SPINT1: variants seen among roughly 807,000 people sequenced by gnomAD.
The protein encoded by SPINT1 is kunitz-type protease inhibitor 1.
A neutral mutation model predicts 53.7 loss-of-function variants in SPINT1; 38 were observed. The observed-to-expected ratio is 0.71, with a 90% CI of 0.55 to 0.93. SPINT1 has a LOEUF of 0.93. Among genes scored for constraint, SPINT1 ranks in the 40% least tolerant of loss-of-function variants. SPINT1 has a pLI of 0.00. For synonymous variants in SPINT1, 283 were observed against 280.6 expected (o/e 1.01, Z -0.08); for missense variants, 645 against 692.9 (o/e 0.93, Z 0.78).
Position 40,854,688 on chromosome 15 carries a change from A to G in SPINT1, c.1116A>G (p.Lys372=), listed in dbSNP as rs1305342022. Residue 372 remains lysine (K), a splice_region_variant and synonymous_variant, in exon 8 of 11, where the codon AAA becomes AAG. Transcript: ENST00000562057. ...AGCGCATCCATTTCCCCAGTGACAA[A>G]GGTGAGATCCTCCCCAGGTGCCCTG... ...ELQRIHFPSD[K]GHCVDLPDTG... 6.2e-7 allele frequency: 1 copy of G among 1,613,946 alleles called. No homozygotes were observed. Among genetic ancestry groups the G allele is most frequent in the Admixed American group, 1.7e-5 (1 of 60,004 alleles).
intron 2 of SPINT1, among the ~76,000 whole-genome samples, chr15:40,848,669 A>G (rs1329214310): frequency 1.3e-5 from 2 of 152,250 alleles, no homozygotes; most frequent in Non-Finnish European, 1.5e-5. Context: ...ATTGTGGTGC[A>G]TTTATACAAT....
In SPINT1 at chr15:40,857,083, C is replaced by A; in HGVS notation, c.*108C>A. The A allele has an allele frequency of 7.0e-7, 1 of 1,424,932 alleles. No individual in the cohort carries two copies. Among genetic ancestry groups the A allele is most frequent in the Non-Finnish European group, 9.5e-7 (1 of 1,051,696 alleles). The allele number at this position is 1,424,932 out of a possible 1,614,324, so 88.3% of individuals were successfully genotyped here. On this transcript the variant is annotated 3_prime_UTR_variant, in exon 11 of 11. Transcript: ENST00000562057. The stretch of plus-strand genomic sequence containing the variant: ...GACTCTTGCCTGTTTCCCAGGCCCA[C>A]TGTGCCTCAGAGACCAGGGCTCCAG...
At chr15:40,856,428 G>A (rs1266446480) in intron 10 of SPINT1, 105 bp downstream of exon 10, 1 of 1,438,752 alleles carries the variant, frequency 7.0e-7, no homozygotes, top group Admixed American at 1.7e-5. Flanking sequence ...AGGATGCCAA[G>A]GTGGCCTATA....
chr15:40,855,820 C>T (rs1891615854), intron 8 of SPINT1, 72 bp from the exon 9 acceptor site: 2 of 1,524,284 alleles, frequency 1.3e-6, no homozygotes, highest in East Asian at 4.6e-5. Context: ...GGGCAGCAGC[C>T]ACGTGGAGCC....
intron 2 of SPINT1, among the ~76,000 whole-genome samples, chr15:40,846,073 G>A (rs1891286801): frequency 6.6e-6 from 1 of 152,242 alleles, no homozygotes; most frequent in Non-Finnish European, 1.5e-5. Flanking sequence ...TGTATACCTA[G>A]TAGGGAAGGG....
At chr15:40,851,560 C>A (rs567841365) in intron 2 of SPINT1, among the ~76,000 whole-genome samples, 84 of 152,084 alleles carry the variant, frequency 5.5e-4, no homozygotes, top group African/African-American at 2.0e-3. Flanking sequence ...CTTGCCTTAT[C>A]CCCCTAGCCT....
At position 40,844,365 on chromosome 15, in the gene SPINT1, C is replaced by G; in HGVS notation, c.-65-125C>G. 1.5e-6 allele frequency: 1 copy of G among 673,616 alleles called. No homozygotes were observed. 41.7% of individuals were successfully genotyped at this position (673,616 alleles called of 1,614,324 possible). On this transcript the variant is annotated intron_variant, in intron 1 of 10. Coordinates refer to ENST00000562057, the MANE Select transcript of SPINT1 (RefSeq NM_003710.4). The surrounding 1 kb of genome is among the most constrained non-coding windows in gnomAD (Gnocchi z 5.8). Reference sequence around the variant, plus strand: ...GCGTGGGAGGGCCGGGCCCGTGCGCCCTCTTCGATCCTGGGGTGCTCCGGT... The same window carrying G: ...GCGTGGGAGGGCCGGGCCCGTGCGCGCTCTTCGATCCTGGGGTGCTCCGGT...
intron 10 of SPINT1, 27 bp downstream of exon 10, chr15:40,856,350 A>G (rs577372439): frequency 6.2e-7 from 1 of 1,613,914 alleles, no homozygotes; most frequent in South Asian, 1.1e-5. Context: ...CCTGTAACTG[A>G]GGTTAGCATG....
chr15:40,847,731 G>A (rs951842379), intron 2 of SPINT1, among the ~76,000 whole-genome samples: 1 of 152,132 alleles, frequency 6.6e-6, no homozygotes, highest in Non-Finnish European at 1.5e-5. Context: ...GGTCCTGGGG[G>A]CTGGGGCTTG....
chr15:40,845,312 C>T (rs923016278), intron 2 of SPINT1, among the ~76,000 whole-genome samples: 11 of 139,060 alleles, frequency 7.9e-5, no homozygotes, highest in Admixed American at 7.4e-4. Flanking sequence ...CTACCAGACC[C>T]GGCTAATTTT....
At position 40,856,828 on chromosome 15, in the gene SPINT1, C is replaced by A. The variant is rs200347151; in HGVS notation, c.1395C>A (p.Ala465=). ...TCATCTGCATTGTGGTGGTGGTAGC[C>A]ATCTTGGGTTACTGCTTCTTCAAGA... ...FLVICIVVVV[A]ILGYCFFKNQ... The change falls in exon 11 of 11, where the codon GCC becomes GCA. Residue 465 remains alanine, a synonymous_variant. Transcript: ENST00000562057. 5.0e-6 allele frequency: 8 copies of A among 1,614,150 alleles called. No individual in the cohort carries two copies. In the East Asian group the frequency reaches 1.6e-4, roughly 31 times the overall value.
In SPINT1 at chr15:40,854,670, C is replaced by T. The variant is rs774331856; in HGVS notation, c.1098C>T (p.Ile366=). 4 of 1,614,184 alleles carry T rather than the reference C, an allele frequency of 2.5e-6. No homozygotes were observed. In the South Asian group the frequency reaches 4.4e-5, roughly 18 times the overall value. The change falls in exon 8 of 11, where the codon ATC becomes ATT. Residue 366 remains isoleucine, a synonymous_variant. Coordinates refer to ENST00000562057, the MANE Select transcript of SPINT1 (RefSeq NM_003710.4). ...GTGGCTTTGACGAGCTCCAGCGCAT[C>T]CATTTCCCCAGTGACAAAGGTGAGA... is the stretch of plus-strand genomic sequence containing the variant. ...YTSGFDELQR[I]HFPSDKGHCV... is the part of the protein sequence containing the mutation.
At chr15:40,852,224 C>G (rs1266532653) in intron 2 of SPINT1, among the ~76,000 whole-genome samples, 1 of 152,150 alleles carries the variant, frequency 6.6e-6, no homozygotes, top group South Asian at 2.1e-4. Context: ...CTTCGCGTGG[C>G]CTTCTCTTCC....
At chr15:40,853,682 A>C in intron 4 of SPINT1, 29 bp from the exon 5 acceptor site, 2 of 1,613,954 alleles carry the variant, frequency 1.2e-6, no homozygotes, top group Non-Finnish European at 1.7e-6. Flanking sequence ...GATTGGCCGC[A>C]CGGTCCCCTC....
intron 6 of SPINT1, 154 bp from the exon 7 acceptor site, chr15:40,854,243 C>T (rs1891559815): frequency 7.3e-7 from 1 of 1,371,994 alleles, no homozygotes; most frequent in Non-Finnish European, 9.9e-7. Flanking sequence ...CCAGCATCGT[C>T]CTATGAGGAT....
rs1395178446 is a variant in SPINT1, at chr15:40,844,787, C to A, written c.233C>A (p.Ser78Tyr). 1 of 1,613,098 alleles carries A rather than the reference C, an allele frequency of 6.2e-7. No individual in the cohort carries two copies. The highest frequency in any genetic ancestry group is 2.2e-5 in the East Asian group (1 of 44,862). Reference sequence around the variant, plus strand: ...AGCAACGGAGCTACCTTCCTGGAGTCCCCCACCGTGCGCCGGGGCTGGGAC... The same window carrying A: ...AGCAACGGAGCTACCTTCCTGGAGTACCCCACCGTGCGCCGGGGCTGGGAC... ...SVSNGATFLE[S>Y]PTVRRGWDCV... The change falls in exon 2 of 11, where the codon TCC becomes TAC. Residue 78 changes from serine to tyrosine, a missense_variant. Physicochemically the swap from Ser to Tyr is moderately radical, Grantham distance 144. Transcript: ENST00000562057. The surrounding 1 kb of genome is among the most constrained non-coding windows in gnomAD (Gnocchi z 5.8).
intron 2 of SPINT1, among the ~76,000 whole-genome samples, chr15:40,847,964 C>G (rs1057009159): frequency 2.6e-5 from 4 of 152,246 alleles, no homozygotes; most frequent in Non-Finnish European, 4.4e-5. Context: ...TCAGGGTACT[C>G]TCCTGTTTGT....
At chr15:40,849,066 G>GA (rs1392829636) in intron 2 of SPINT1, among the ~76,000 whole-genome samples, 7 of 151,894 alleles carry the variant, frequency 4.6e-5, no homozygotes, top group Non-Finnish European at 1.0e-4. Context: ...CTAACACGGT[G>GA]AAACCCCGTC....
At chr15:40,851,643 T>G (rs143937737) in intron 2 of SPINT1, among the ~76,000 whole-genome samples, 3 of 152,234 alleles carry the variant, frequency 2.0e-5, no homozygotes, top group Non-Finnish European at 4.4e-5. Context: ...TGGGGTCTTA[T>G]CTGCCCAACT....
Sources: gnomAD v4.1 joint callset for allele counts (sites outside exome capture counted in the v4.1 genomes callset) on GRCh38, gnomAD v4.1.1 for gene constraint, Gnocchi (gnomAD v3.1) non-coding constraint, MANE v1.5 for transcripts, NCBI Gene and HGNC (gene_info 2026-07-23, HGNC 2026-07-21) for gene names.